Variants in NDE1 observed in about 807,000 individuals in gnomAD.
The protein encoded by NDE1 is nuclear distribution protein nudE homolog 1.
Under a neutral mutation model 43.4 loss-of-function variants are expected in NDE1, and 28 were observed. The observed-to-expected ratio is 0.65, with a 90% CI of 0.48 to 0.89. The LOEUF is 0.89. Ranked by LOEUF, NDE1 falls within the 40% of genes least tolerant of loss-of-function variation. The pLI is 0.00. For missense variants in NDE1, 441 were observed against 434.1 expected (o/e 1.02, Z -0.14); for synonymous variants, 184 against 172.0 (o/e 1.07, Z -0.55).
At chr16:15,658,692 T>C (rs1266761190) in intron 1 of NDE1, among the ~76,000 whole-genome samples, 2 of 152,250 alleles carry the variant, frequency 1.3e-5, no homozygotes, top group African/African-American at 2.4e-5. Flanking sequence ...AGTCTTGCTC[T>C]GTTGCCCAGG....
intron 1 of NDE1, among the ~76,000 whole-genome samples, chr16:15,653,579 T>G (rs977482040): frequency 2.0e-5 from 3 of 152,138 alleles, no homozygotes; most frequent in African/African-American, 7.2e-5. Flanking sequence ...CTAGCAGTGC[T>G]GGGTTTCTTC....
chr16:15,671,324 C>T (rs748670544), intron 3 of NDE1, among the ~76,000 whole-genome samples: 5 of 151,826 alleles, frequency 3.3e-5, no homozygotes, highest in African/African-American at 9.7e-5. Context: ...GGCAACATAG[C>T]GAGACTCTGT....
At chr16:15,722,289 T>C (rs2384933) in intron 8 of NDE1, among the ~76,000 whole-genome samples, 113,087 of 152,128 alleles carry the variant, frequency 0.74, 42,740 homozygotes, top group African/African-American at 0.9. Flanking sequence ...ATTAATATCT[T>C]ACAAAAGTAT....
At chr16:15,704,785 G>C (rs961519403) in intron 8 of NDE1, among the ~76,000 whole-genome samples, 1 of 152,224 alleles carries the variant, frequency 6.6e-6, no homozygotes, top group Non-Finnish European at 1.5e-5. Flanking sequence ...ACCGCACATG[G>C]CGTAAAACAG....
rs71134451 is a variant in NDE1 at position 15,695,203 on chromosome 16, C to CTTTTT, written c.795+967_795+971dup. Reference sequence around the variant, plus strand: ...TCTCAGAAGAGAAAAAAACTGCCACCTTTTTTTTTTTTTTTTTTTTTTTTG... The same window carrying CTTTTT: ...TCTCAGAAGAGAAAAAAACTGCCACCTTTTTTTTTTTTTTTTTTTTTTTTTTTTTG... On this transcript the variant is annotated intron_variant, in intron 7 of 8. Transcript: ENST00000396354. Among the ~76,000 whole-genome samples the CTTTTT allele has an allele frequency of 6.1e-3, 481 of 79,498 alleles. 2 individuals carry two copies. The highest frequency in any genetic ancestry group is 8.7e-3 in the Non-Finnish European group (381 of 43,692). 52.2% of individuals were successfully genotyped at this position (79,498 alleles called of 152,430 possible). A position where few individuals can be genotyped will look rare whatever the true frequency, so the allele number is the denominator to read the frequency against.
chr16:15,698,172 T>C (rs764133834), intron 8 of NDE1, among the ~76,000 whole-genome samples: 7 of 152,166 alleles, frequency 4.6e-5, no homozygotes, highest in Non-Finnish European at 7.4e-5. Flanking sequence ...ACTATGTTCC[T>C]GAAACCAGCC....
At chr16:15,661,468 CT>C (rs1016354621) in intron 1 of NDE1, among the ~76,000 whole-genome samples, 1 of 149,506 alleles carries the variant, frequency 6.7e-6, no homozygotes, top group Admixed American at 6.7e-5. Flanking sequence ...TTTGATTGTC[CT>C]TTTTTTTTGA....
Position 15,720,969 on chromosome 16 carries a change from T to G in NDE1, c.948-3222T>G. On this transcript the variant is annotated intron_variant, in intron 8 of 8. Coordinates refer to ENST00000396354, the MANE Select transcript of NDE1 (RefSeq NM_017668.3). ...TTTGGCGTCCTCCGTGGCTTGCAGC[T>G]CGTCCTCCAGCTCTTCCAGCTGCGT... 3 of 1,614,066 alleles carry G rather than the reference T, an allele frequency of 1.9e-6. No homozygotes were observed. The South Asian group carries it at 3.3e-5, about 18-fold the overall frequency.
chr16:15,699,618 G>A (rs1417878091), intron 8 of NDE1: 2 of 1,245,162 alleles, frequency 1.6e-6, no homozygotes, highest in Non-Finnish European at 2.1e-6. Context: ...GAGACCCTGT[G>A]AGACCCTGCT....
At chr16:15,672,109 A>T (rs1023550045) in intron 3 of NDE1, among the ~76,000 whole-genome samples, 2 of 152,012 alleles carry the variant, frequency 1.3e-5, no homozygotes, top group South Asian at 4.1e-4. Flanking sequence ...GTAAAATATC[A>T]AGAGAATTAC....
chr16:15,694,512 A>T, intron 7 of NDE1: 1 of 1,208,110 alleles, frequency 8.3e-7, no homozygotes, highest in Non-Finnish European at 1.1e-6. Flanking sequence ...TGCCTGGCTG[A>T]TACTTTCATT....
At chr16:15,676,855 TCTCA>T (rs1477877238) in intron 3 of NDE1, among the ~76,000 whole-genome samples, 3 of 152,088 alleles carry the variant, frequency 2.0e-5, no homozygotes, top group Non-Finnish European at 4.4e-5. Context: ...AGAGGCCAGG[TCTCA>T]CTCTGTGAGC....
At chr16:15,709,232 A>T (rs918414057) in intron 8 of NDE1, among the ~76,000 whole-genome samples, 3 of 151,868 alleles carry the variant, frequency 2.0e-5, no homozygotes, top group Non-Finnish European at 1.5e-5. Flanking sequence ...ACAGGCATGA[A>T]CCACCGCACC....
intron 1 of NDE1, among the ~76,000 whole-genome samples, chr16:15,644,278 A>T (rs996036629): frequency 1.3e-5 from 2 of 152,224 alleles, no homozygotes; most frequent in African/African-American, 4.8e-5. Context: ...TGCCCAAAAA[A>T]ATCCTTACTG....
intron 4 of NDE1, among the ~76,000 whole-genome samples, chr16:15,685,685 T>C (rs1647786178): frequency 6.6e-6 from 1 of 152,176 alleles, no homozygotes; most frequent in African/African-American, 2.4e-5. Context: ...ATGCAGCCAT[T>C]AATCAGTGCA....
rs572224631 is a variant in NDE1, at chr16:15,724,842, G to T, written c.*591G>T. ...AGAGGTCCCAGGGACCTGCCCCGAG[G>T]AAGGCCACCCCCCAGGTCCCCTGGA... On this transcript the variant is annotated 3_prime_UTR_variant, in exon 9 of 9. Coordinates refer to ENST00000396354, the MANE Select transcript of NDE1 (RefSeq NM_017668.3). The T allele has an allele frequency of 6.2e-7, 1 of 1,613,678 alleles. No homozygotes were observed. The highest frequency in any genetic ancestry group is 1.7e-5 in the Admixed American group (1 of 60,018).
At chr16:15,699,952 C>T (rs1050524920) in intron 8 of NDE1, 135 of 1,211,324 alleles carry the variant, frequency 1.1e-4, no homozygotes, top group Non-Finnish European at 1.3e-4. Context: ...GTTAGCTTTG[C>T]GGCCCAAGCC....
Position 15,686,459 on chromosome 16 carries a change from C to A in NDE1, c.387-916C>A, listed in dbSNP as rs112744786. The A allele has an allele frequency of 4.0e-3, 3,923 of 985,354 alleles. 125 individuals carry two copies. In the African/African-American group the frequency reaches 0.063, roughly 16 times the overall value. 61.0% of individuals were successfully genotyped at this position (985,354 alleles called of 1,614,324 possible). Reference sequence around the variant, plus strand: ...AGGGGTTGTGAGCAGGGCAGCTGGGCTGGTACTGGGCATTTTGAACTTCCA... The same window carrying A: ...AGGGGTTGTGAGCAGGGCAGCTGGGATGGTACTGGGCATTTTGAACTTCCA... On this transcript the variant is annotated intron_variant, in intron 4 of 8. Coordinates refer to ENST00000396354, the MANE Select transcript of NDE1 (RefSeq NM_017668.3).
intron 2 of NDE1, among the ~76,000 whole-genome samples, chr16:15,665,354 G>A (rs2037249696): frequency 6.6e-6 from 1 of 152,148 alleles, no homozygotes; most frequent in South Asian, 2.1e-4. Flanking sequence ...CAGTCACACA[G>A]CCAATAAGTA....
Sources: allele counts gnomAD v4.1 joint callset (sites outside exome capture counted in the v4.1 genomes callset), GRCh38; gene constraint gnomAD v4.1.1; transcripts MANE v1.5; gene names NCBI Gene and HGNC (gene_info 2026-07-23, HGNC 2026-07-21).